The following SPTLC2 variants were observed in gnomAD, a reference collection of about 807,000 sequenced individuals.
SPTLC2 encodes the protein serine palmitoyltransferase 2.
SPTLC2 carries 21 observed loss-of-function variants against 62.0 expected under a neutral mutation model. The observed-to-expected ratio is 0.34, with a 90% CI of 0.24 to 0.49. The LOEUF (loss-of-function observed/expected upper bound fraction) is 0.49. Ranked by LOEUF, SPTLC2 falls within the 20% of genes least tolerant of loss-of-function variation. SPTLC2 has a pLI of 0.99. For missense variants in SPTLC2, 511 were observed against 713.0 expected (o/e 0.72, Z 3.23); for synonymous variants, 261 against 261.8 (o/e 1.00, Z 0.03).
chr14:77,524,283 G>C (rs1219406830), intron 9 of SPTLC2, among the ~76,000 whole-genome samples: 1 of 152,010 alleles, frequency 6.6e-6, no homozygotes, highest in African/African-American at 2.4e-5. Flanking sequence ...GATAGCAAAG[G>C]GGCAGAAGGG....
At chr14:77,551,975 C>T in intron 9 of SPTLC2, 121 bp downstream of exon 9, 1 of 1,451,440 alleles carries the variant, frequency 6.9e-7, no homozygotes, top group South Asian at 1.2e-5. Context: ...GGAAACCACA[C>T]ACCAGCCAGC....
At chr14:77,560,530 G>A (rs574959449) in intron 6 of SPTLC2, among the ~76,000 whole-genome samples, 16 of 152,142 alleles carry the variant, frequency 1.1e-4, no homozygotes, top group South Asian at 8.3e-4. Flanking sequence ...TGGGAGGATC[G>A]GTTGAGCTGG....
intron 9 of SPTLC2, among the ~76,000 whole-genome samples, chr14:77,528,451 G>C (rs771300000): frequency 6.6e-6 from 1 of 152,006 alleles, no homozygotes; most frequent in Non-Finnish European, 1.5e-5. Context: ...GGCTGGTCTC[G>C]AACTCCTGAC....
At chr14:77,578,847 A>G in intron 3 of SPTLC2, 108 bp downstream of exon 3, 1 of 1,180,306 alleles carries the variant, frequency 8.5e-7, no homozygotes, top group Non-Finnish European at 1.3e-6. Context: ...TTGTATCCTC[A>G]GCTGCTACTC....
At chr14:77,601,940 G>A (rs2079879854) in intron 1 of SPTLC2, among the ~76,000 whole-genome samples, 1 of 152,288 alleles carries the variant, frequency 6.6e-6, no homozygotes, top group East Asian at 1.9e-4. Context: ...TTTAATCATT[G>A]CAGGGATGCC....
intron 9 of SPTLC2, among the ~76,000 whole-genome samples, chr14:77,536,759 T>C (rs1434181377): frequency 6.6e-6 from 1 of 152,228 alleles, no homozygotes; most frequent in Non-Finnish European, 1.5e-5. Context: ...TATTTCTTTT[T>C]CTACCATTAG....
At chr14:77,565,152 G>T (rs538363849) in intron 5 of SPTLC2, among the ~76,000 whole-genome samples, 1 of 137,672 alleles carries the variant, frequency 7.3e-6, no homozygotes, top group Non-Finnish European at 1.5e-5. Context: ...TGAGGCAGGA[G>T]AATTGCTTGA....
intron 2 of SPTLC2, among the ~76,000 whole-genome samples, chr14:77,584,946 G>A (rs948006820): frequency 6.6e-6 from 1 of 152,234 alleles, no homozygotes; most frequent in South Asian, 2.1e-4. Context: ...ACCAGCGTAG[G>A]AGGCAAGCCC....
intron 9 of SPTLC2, among the ~76,000 whole-genome samples, chr14:77,534,588 T>TAC (rs1555373993): frequency 2.1e-5 from 3 of 141,128 alleles, no homozygotes; most frequent in East Asian, 4.2e-4. Flanking sequence ...CATATTTCAG[T>TAC]ACACACACAC....
At chr14:77,570,222 CAAA>C (rs35086251) in intron 5 of SPTLC2, among the ~76,000 whole-genome samples, 159 bp downstream of exon 5, 21 of 111,372 alleles carry the variant, frequency 1.9e-4, no homozygotes, top group Non-Finnish European at 1.8e-4. Context: ...GACTCCATCT[CAAA>C]AAAAAAAAAA....
intron 9 of SPTLC2, among the ~76,000 whole-genome samples, chr14:77,522,788 A>G (rs1015656636): frequency 6.6e-6 from 1 of 152,262 alleles, no homozygotes; most frequent in Non-Finnish European, 1.5e-5. Context: ...ATTTTCATAT[A>G]TAGATTATAA....
At chr14:77,535,903 A>G (rs1179299478) in intron 9 of SPTLC2, 2 of 448,480 alleles carry the variant, frequency 4.5e-6, no homozygotes, top group Non-Finnish European at 8.9e-6. Flanking sequence ...ATATTAAGGA[A>G]GCATGATCCA....
At chr14:77,529,451 T>G (rs147681043) in intron 9 of SPTLC2, among the ~76,000 whole-genome samples, 49 of 151,798 alleles carry the variant, frequency 3.2e-4, no homozygotes, top group African/African-American at 1.1e-3. Context: ...GTTTATAACA[T>G]CAGATAAGTC....
At chr14:77,513,396 A>C (rs1022402295) in intron 11 of SPTLC2, among the ~76,000 whole-genome samples, 1 of 152,232 alleles carries the variant, frequency 6.6e-6, no homozygotes, top group African/African-American at 2.4e-5. Flanking sequence ...AGCACAAGAA[A>C]AAATATTCTT....
At chr14:77,581,983 G>T (rs2079753648) in intron 2 of SPTLC2, among the ~76,000 whole-genome samples, 1 of 151,816 alleles carries the variant, frequency 6.6e-6, no homozygotes, top group South Asian at 2.1e-4. Flanking sequence ...TGTAAAAAAG[G>T]GTAACAGTAC....
chr14:77,567,384 T>C (rs1253150771), intron 5 of SPTLC2, among the ~76,000 whole-genome samples: 1 of 152,250 alleles, frequency 6.6e-6, no homozygotes, highest in Non-Finnish European at 1.5e-5. Context: ...AATCCTCTAG[T>C]GTTAAAAATT....
chr14:77,520,903 C>T (rs1449018463), intron 10 of SPTLC2, among the ~76,000 whole-genome samples: 4 of 152,360 alleles, frequency 2.6e-5, no homozygotes, highest in East Asian at 1.9e-4. Flanking sequence ...TAAGCAAGCT[C>T]GCTTCTGTAC....
intron 9 of SPTLC2, among the ~76,000 whole-genome samples, chr14:77,549,073 G>T (rs921350370): frequency 6.6e-6 from 1 of 152,152 alleles, no homozygotes; most frequent in South Asian, 2.1e-4. Flanking sequence ...CCCCAATGAC[G>T]GAGGTAGGGC....
intron 9 of SPTLC2, among the ~76,000 whole-genome samples, chr14:77,540,565 C>T (rs759567174): frequency 6.6e-6 from 1 of 152,076 alleles, no homozygotes; most frequent in Non-Finnish European, 1.5e-5. Context: ...ACCTCTGCTT[C>T]CTGGGTTCAA....
Sources: allele counts gnomAD v4.1 joint callset (sites outside exome capture counted in the v4.1 genomes callset), GRCh38; gene constraint gnomAD v4.1.1; transcripts MANE v1.5; gene names NCBI Gene and HGNC (gene_info 2026-07-23, HGNC 2026-07-21).